Variants in RIMS4 observed in about 807,000 individuals in gnomAD.
The protein encoded by RIMS4 is regulating synaptic membrane exocytosis 4.
A neutral mutation model predicts 29.0 loss-of-function variants in RIMS4; 9 were observed. That is an observed-to-expected ratio of 0.31 (90% CI 0.19 to 0.54). The LOEUF is 0.54. Among genes scored for constraint, RIMS4 ranks in the 20% least tolerant of loss-of-function variants. The pLI is 0.94. For synonymous variants in RIMS4, 130 were observed against 152.9 expected (o/e 0.85, Z 1.10); for missense variants, 193 against 365.7 (o/e 0.53, Z 3.85).
chr20:44,786,756 G>T (rs2066210352), intron 1 of RIMS4, among the ~76,000 whole-genome samples: 1 of 152,180 alleles, frequency 6.6e-6, no homozygotes, highest in African/African-American at 2.4e-5. Context: ...AGAAAGGAGG[G>T]TTCAGAGATT....
At chr20:44,779,771 T>C (rs995264148) in intron 1 of RIMS4, among the ~76,000 whole-genome samples, 1 of 152,106 alleles carries the variant, frequency 6.6e-6, no homozygotes, top group African/African-American at 2.4e-5. Context: ...TACCTAGGAG[T>C]GCAGCTGCTG....
chr20:44,804,755 G>C (rs2066291270), intron 1 of RIMS4, among the ~76,000 whole-genome samples: 1 of 152,130 alleles, frequency 6.6e-6, no homozygotes, highest in Non-Finnish European at 1.5e-5. Flanking sequence ...AAGGTAGATG[G>C]ACCTCTCTCC....
rs1046170070 is a variant in RIMS4, at chr20:44,771,292, G to A, written c.219C>T (p.Ser73=). ...ACACTTACTTGCCCTCTGAGCCATA[G>A]CTGTTCATGCTGTCCTCAATGGACT... The part of the protein sequence containing the change: ...SHESIEDSMN[S]YGSEGNLNYG... Residue 73 remains serine, a synonymous_variant, in exon 2 of 6, where the codon AGC becomes AGT. Transcript: ENST00000372851. The A allele has an allele frequency of 3.1e-6, 5 of 1,611,894 alleles. No homozygotes were observed. The highest frequency in any genetic ancestry group is 4.2e-6 in the Non-Finnish European group (5 of 1,178,260).
chr20:44,785,750 C>CTTTTTTTTTTTTT (rs969567189), intron 1 of RIMS4, among the ~76,000 whole-genome samples: 1 of 122,960 alleles, frequency 8.1e-6, no homozygotes. Context: ...CATAGGTTTT[C>CTTTTTTTTTTTTT]TTTTTTTTTT....
intron 1 of RIMS4, among the ~76,000 whole-genome samples, chr20:44,776,614 C>T (rs1047647163): frequency 1.3e-5 from 2 of 152,152 alleles, no homozygotes; most frequent in African/African-American, 4.8e-5. Context: ...GATAAAAGCA[C>T]CAGAATCTCA....
Position 44,757,037 on chromosome 20 carries a change from G to A in RIMS4, c.452C>T (p.Ala151Val), listed in dbSNP as rs2145442055. 2.5e-6 allele frequency: 4 copies of A among 1,613,168 alleles called. No homozygotes were observed. Among genetic ancestry groups the A allele is most frequent in the Admixed American group, 1.7e-5 (1 of 59,958 alleles). Reference protein sequence around the residue: ...TAKPGSKTLPAAYIKAYLLEN... With the variant: ...TAKPGSKTLPVAYIKAYLLEN... ...TAGCAGGTAGGCCTTGATGTAGGCCGCTGGGGATAGAGGCCAGCAGGGGTG... is the reference window on the plus strand; with the variant it reads ...TAGCAGGTAGGCCTTGATGTAGGCCACTGGGGATAGAGGCCAGCAGGGGTG... The change falls in exon 5 of 6, where the codon GCG becomes GTG. Residue 151 changes from alanine to valine, a missense_variant and splice_region_variant. Ala to Val is a moderately conservative substitution (Grantham distance 64, BLOSUM62 0). Coordinates refer to ENST00000372851, the MANE Select transcript of RIMS4 (RefSeq NM_182970.4).
intron 2 of RIMS4, among the ~76,000 whole-genome samples, chr20:44,764,180 AT>A (rs1826528777): frequency 1.3e-5 from 2 of 148,282 alleles, no homozygotes; most frequent in African/African-American, 2.5e-5. Context: ...CCATCCATCC[AT>A]CCATCCATTT....
chr20:44,805,515 G>A (rs978992367), intron 1 of RIMS4, among the ~76,000 whole-genome samples: 4 of 152,038 alleles, frequency 2.6e-5, no homozygotes, highest in Non-Finnish European at 5.9e-5. Flanking sequence ...TCCTGCCCTG[G>A]AGGGTGAGGG....
chr20:44,800,168 G>T (rs2066271765), intron 1 of RIMS4, among the ~76,000 whole-genome samples: 1 of 152,176 alleles, frequency 6.6e-6, no homozygotes, highest in Non-Finnish European at 1.5e-5. Flanking sequence ...CTCTCACAGT[G>T]CCTGGCACAG....
At position 44,755,953 on chromosome 20, in the gene RIMS4, CG is replaced by C; in HGVS notation, c.*180del. ...AATCCCGTTGGGAGAGGGGAGGTCT[CG>C]GGGGTAGGAGGCAAAGAAGGGGTGA... On this transcript the variant is annotated 3_prime_UTR_variant, in exon 6 of 6. Transcript: ENST00000372851. The C allele has an allele frequency of 1.7e-6, 1 of 575,332 alleles. No individual in the cohort carries two copies. The allele number at this position is 575,332 out of a possible 1,614,324, so 35.6% of individuals were successfully genotyped here.
intron 1 of RIMS4, among the ~76,000 whole-genome samples, chr20:44,797,198 T>C (rs2066258730): frequency 6.6e-6 from 1 of 152,254 alleles, no homozygotes; most frequent in Non-Finnish European, 1.5e-5. Flanking sequence ...ACTATGGGCC[T>C]CGGACTAAAT....
intron 1 of RIMS4, 45 bp downstream of exon 1, chr20:44,810,130 A>T: frequency 7.8e-7 from 1 of 1,277,322 alleles, no homozygotes. Flanking sequence ...CCGGACCTGG[A>T]TCCCGGGACA....
intron 2 of RIMS4, among the ~76,000 whole-genome samples, chr20:44,761,534 G>A (rs2066084994): frequency 1.3e-5 from 2 of 152,190 alleles, no homozygotes; most frequent in African/African-American, 4.8e-5. Context: ...AGTCTGCAGG[G>A]GGGATAATGC....
At chr20:44,775,133 G>T (rs933804456) in intron 1 of RIMS4, among the ~76,000 whole-genome samples, 1 of 152,270 alleles carries the variant, frequency 6.6e-6, no homozygotes, top group Non-Finnish European at 1.5e-5. Context: ...CCCCTGAGAT[G>T]TTAAACACGC....
chr20:44,777,817 G>A (rs117440228), intron 1 of RIMS4, among the ~76,000 whole-genome samples: 2,029 of 152,244 alleles, frequency 0.013, 28 homozygotes, highest in Non-Finnish European at 0.022. Flanking sequence ...CCACATCCTG[G>A]TCAGTGTGAG....
intron 1 of RIMS4, among the ~76,000 whole-genome samples, chr20:44,775,798 C>T (rs2066157713): frequency 6.6e-6 from 1 of 152,232 alleles, no homozygotes; most frequent in African/African-American, 2.4e-5. Context: ...AATCTTCACA[C>T]AGGTGGGCTC....
At chr20:44,771,239 T>A (rs765059497) in intron 2 of RIMS4, 36 bp downstream of exon 2, 1 of 1,587,604 alleles carries the variant, frequency 6.3e-7, no homozygotes, top group South Asian at 1.1e-5. Flanking sequence ...CACAAAAGAC[T>A]GCAAGAACCA....
intron 1 of RIMS4, among the ~76,000 whole-genome samples, chr20:44,788,103 C>A (rs1321535544): frequency 2.0e-5 from 3 of 152,242 alleles, no homozygotes; most frequent in Non-Finnish European, 4.4e-5. Context: ...AGACCTCAGT[C>A]TCTATTCCAG....
Position 44,753,519 on chromosome 20 carries a change from C to T in RIMS4, c.*2615G>A, listed in dbSNP as rs1184825025. 1.3e-5 allele frequency: 2 copies of T among 152,414 alleles called. No individual in the cohort carries two copies. Among genetic ancestry groups the T allele is most frequent in the African/African-American group, 4.8e-5 (2 of 41,432 alleles). The allele number at this position is 152,414 out of a possible 1,614,324, so 9.4% of individuals were successfully genotyped here. Reference sequence around the variant, plus strand: ...GCCCAGAGATTGAAAACAGTCATCCCCTGGAGACCCCAGCCCCCCAGTGGC... The same window carrying T: ...GCCCAGAGATTGAAAACAGTCATCCTCTGGAGACCCCAGCCCCCCAGTGGC... On this transcript the variant is annotated 3_prime_UTR_variant, in exon 6 of 6. Coordinates refer to ENST00000372851, the MANE Select transcript of RIMS4 (RefSeq NM_182970.4).
Sources: allele counts gnomAD v4.1 joint callset (sites outside exome capture counted in the v4.1 genomes callset), GRCh38; gene constraint gnomAD v4.1.1; transcripts MANE v1.5; gene names NCBI Gene and HGNC (gene_info 2026-07-23, HGNC 2026-07-21).